NMNAT1: variants seen among roughly 807,000 people sequenced by gnomAD.
NMNAT1 encodes nicotinamide/nicotinic acid mononucleotide adenylyltransferase 1.
A neutral mutation model predicts 16.7 loss-of-function variants in NMNAT1; 11 were observed. The ratio of observed to expected loss-of-function variants is 0.66; its 90% CI spans 0.41 to 1.09. The LOEUF is 1.09. Among genes scored for constraint, NMNAT1 ranks in the 50% least tolerant of loss-of-function variants. The pLI, the probability that NMNAT1 is intolerant of heterozygous loss-of-function variation, is 0.00. For missense variants in NMNAT1, 280 were observed against 332.3 expected (o/e 0.84, Z 1.22); for synonymous variants, 110 against 119.8 (o/e 0.92, Z 0.53).
chr1:9,946,407 A>G (rs1299871230), intron 1 of NMNAT1, among the ~76,000 whole-genome samples: 1 of 152,194 alleles, frequency 6.6e-6, no homozygotes, highest in East Asian at 1.9e-4. Flanking sequence ...TCACTGGGAA[A>G]CCAGATAAAT....
chr1:9,961,549 C>G (rs1250400390), intron 1 of NMNAT1, among the ~76,000 whole-genome samples: 1 of 152,106 alleles, frequency 6.6e-6, no homozygotes, highest in Non-Finnish European at 1.5e-5. Context: ...GTATCGAGGG[C>G]CTGGGGTAGG....
the NMNAT1 span, among the ~76,000 whole-genome samples, chr1:9,990,937 G>GA: frequency 6.6e-4 from 99 of 149,824 alleles, 1 homozygote; most frequent in Non-Finnish European, 1.2e-3. Flanking sequence ...GAATTGTAAA[G>GA]AAAAAAAAAA....
intron 3 of NMNAT1, among the ~76,000 whole-genome samples, chr1:9,977,238 A>AT (rs1315127682): frequency 4.0e-5 from 6 of 151,616 alleles, no homozygotes; most frequent in Non-Finnish European, 7.4e-5. Flanking sequence ...TGTTATTTTG[A>AT]TTTTTTTAAA....
intron 1 of NMNAT1, among the ~76,000 whole-genome samples, chr1:9,962,687 T>G (rs1270556248): frequency 2.3e-5 from 3 of 131,670 alleles, no homozygotes; most frequent in East Asian, 2.3e-4. Flanking sequence ...GTTTTTTTTT[T>G]TTTTTTTTTT....
intron 1 of NMNAT1, among the ~76,000 whole-genome samples, chr1:9,948,288 T>C (rs999338500): frequency 3.9e-5 from 6 of 152,020 alleles, no homozygotes; most frequent in Non-Finnish European, 1.5e-5. Flanking sequence ...AGAAATGGAG[T>C]TGTCGGCCAG....
chr1:9,976,491 T>C (rs189472198), intron 3 of NMNAT1, among the ~76,000 whole-genome samples: 83 of 151,276 alleles, frequency 5.5e-4, no homozygotes, highest in African/African-American at 1.9e-3. Context: ...TGCTTGATCA[T>C]GGACAGGCCT....
chr1:9,972,663 G>T (rs973004325), intron 2 of NMNAT1, among the ~76,000 whole-genome samples: 2 of 151,614 alleles, frequency 1.3e-5, no homozygotes, highest in Non-Finnish European at 2.9e-5. Flanking sequence ...ATGGCCTGTA[G>T]AATAGAAAAT....
chr1:9,982,272 A>T (rs747438743), intron 4 of NMNAT1, 29 bp from the exon 5 acceptor site: 82 of 1,564,860 alleles, frequency 5.2e-5, no homozygotes, highest in Non-Finnish European at 6.8e-5. Flanking sequence ...GAAAAAGCAT[A>T]CCCCAAAGCT....
At chr1:9,953,600 T>C (rs1475015653) in intron 1 of NMNAT1, among the ~76,000 whole-genome samples, 5 of 148,838 alleles carry the variant, frequency 3.4e-5, no homozygotes, top group African/African-American at 9.9e-5. Context: ...GCCACCACGC[T>C]CAGCTAATTT....
At chr1:9,977,974 C>T (rs1166578721) in intron 3 of NMNAT1, among the ~76,000 whole-genome samples, 3 of 152,202 alleles carry the variant, frequency 2.0e-5, no homozygotes, top group Non-Finnish European at 4.4e-5. Flanking sequence ...TGAACTGTCT[C>T]AGTCTCCTGA....
At chr1:9,973,177 C>T (rs988715739) in intron 2 of NMNAT1, among the ~76,000 whole-genome samples, 6 of 151,916 alleles carry the variant, frequency 3.9e-5, no homozygotes, top group African/African-American at 1.2e-4. Context: ...AGTGCAGTGG[C>T]GCGATCTCGG....
intron 3 of NMNAT1, 48 bp downstream of exon 3, chr1:9,975,823 C>T (rs774840187): frequency 2.8e-6 from 4 of 1,432,128 alleles, no homozygotes; most frequent in South Asian, 1.3e-5. Flanking sequence ...AATGGCTAAG[C>T]GGCTTATGTT....
In NMNAT1 at chr1:9,972,050, G is replaced by A. The variant is rs757458161; in HGVS notation, c.-24G>A. ...GGGAGGTGTCACAGTTTTCCATTTA[G>A]ATCAACAACTTCAAGTTCTTACCAT... On this transcript the variant is annotated 5_prime_UTR_variant, in exon 2 of 5. Transcript: ENST00000377205. The A allele has an allele frequency of 5.7e-6, 7 of 1,226,562 alleles. No homozygotes were observed. In the South Asian group the frequency reaches 8.4e-5, roughly 15 times the overall value. 76.0% of individuals were successfully genotyped at this position (1,226,562 alleles called of 1,614,324 possible). A position where few individuals can be genotyped will look rare whatever the true frequency, so the allele number is the denominator to read the frequency against.
At position 9,975,682 on chromosome 1, in the gene NMNAT1, TG is replaced by T. The variant is rs1641790957; in HGVS notation, c.208del (p.Ala70GlnfsTer27). 6.2e-7 allele frequency: 1 copy of T among 1,613,950 alleles called. No homozygotes were observed. Among genetic ancestry groups the T allele is most frequent in the African/African-American group, 1.3e-5 (1 of 74,936 alleles). ...ATTCCTGCCTATCACCGGGTCATCA[TG>T]GCAGAACTTGCTACCAAGAATTCTA... ...GLIPAYHRVI[M>X]AELATKNSKW... On this transcript the variant is annotated frameshift_variant, in exon 3 of 5. Transcript: ENST00000377205. LOFTEE classifies it high-confidence loss of function.
At chr1:9,992,633 C>T in the NMNAT1 span, among the ~76,000 whole-genome samples, 573 of 151,640 alleles carry the variant, frequency 3.8e-3, no homozygotes, top group Non-Finnish European at 6.0e-3. Context: ...CCCCTATGGC[C>T]GGGCGTGGTG....
At chr1:9,977,474 A>G (rs1263394721) in intron 3 of NMNAT1, among the ~76,000 whole-genome samples, 1 of 152,124 alleles carries the variant, frequency 6.6e-6, no homozygotes, top group Non-Finnish European at 1.5e-5. Context: ...TGAACTTTCC[A>G]GTGACTGACT....
chr1:9,954,058 G>A (rs927682695), intron 1 of NMNAT1, among the ~76,000 whole-genome samples: 5 of 150,976 alleles, frequency 3.3e-5, no homozygotes, highest in Admixed American at 1.3e-4. Context: ...CACCTGCCTC[G>A]GCCTCCCAAA....
downstream of NMNAT1, among the ~76,000 whole-genome samples, chr1:9,989,525 C>T (rs747382004): frequency 6.6e-6 from 1 of 151,714 alleles, no homozygotes; most frequent in Non-Finnish European, 1.5e-5. Context: ...TACGGTTGGA[C>T]GGCAGAAATA....
chr1:9,981,259 G>A, intron 4 of NMNAT1, 89 bp downstream of exon 4: 1 of 1,523,954 alleles, frequency 6.6e-7, no homozygotes, highest in Non-Finnish European at 8.8e-7. Context: ...TTTTTAGATG[G>A]AGTCTCGCTC....
Sources: allele counts gnomAD v4.1 joint callset (sites outside exome capture counted in the v4.1 genomes callset), GRCh38; gene constraint gnomAD v4.1.1; transcripts MANE v1.5; gene names NCBI Gene and HGNC (gene_info 2026-07-23, HGNC 2026-07-21).